ADCY2: variants seen among roughly 807,000 people sequenced by gnomAD.
ADCY2 encodes the protein adenylate cyclase 2, also known as adenylate cyclase type 2.
In ADCY2, 31 loss-of-function variants were observed where a neutral mutation model predicts 125.2. That is an observed-to-expected ratio of 0.25 (90% confidence interval 0.19 to 0.33). The LOEUF (loss-of-function observed/expected upper bound fraction) is 0.33. ADCY2 is among the 10% of genes least tolerant of loss of function. ADCY2 has a pLI of 1.00. For missense variants in ADCY2, 904 were observed against 1,418.2 expected (o/e 0.64, Z 5.82); for synonymous variants, 512 against 548.4 (o/e 0.93, Z 0.93).
At chr5:7,745,287 A>T (rs1206854371) in intron 15 of ADCY2, among the ~76,000 whole-genome samples, 1 of 152,220 alleles carries the variant, frequency 6.6e-6, no homozygotes, top group Non-Finnish European at 1.5e-5. Context: ...GCCTTTCCGC[A>T]GTCGACTGTA....
At chr5:7,667,094 TAAATAA>T (rs1739783180) in intron 4 of ADCY2, among the ~76,000 whole-genome samples, 1 of 151,988 alleles carries the variant, frequency 6.6e-6, no homozygotes, top group Non-Finnish European at 1.5e-5. Context: ...CATGCTCGGG[TAAATAA>T]AAGAGCATTC....
intron 3 of ADCY2, among the ~76,000 whole-genome samples, chr5:7,589,476 AAGAAAGAAAG>A (rs1736755158): frequency 1.6e-5 from 1 of 61,688 alleles, no homozygotes; most frequent in African/African-American, 3.8e-5. Context: ...GAAAGAAAGA[AAGAAAGAAAG>A]AAAGAAAGAA....
chr5:7,555,418 G>A (rs1010304762), intron 3 of ADCY2, among the ~76,000 whole-genome samples: 2 of 152,114 alleles, frequency 1.3e-5, no homozygotes, highest in Non-Finnish European at 2.9e-5. Flanking sequence ...ATGGATTTTT[G>A]GCAAATTGTT....
chr5:7,438,649 T>G (rs1226904147), intron 2 of ADCY2, among the ~76,000 whole-genome samples: 1 of 152,232 alleles, frequency 6.6e-6, no homozygotes, highest in African/African-American at 2.4e-5. Flanking sequence ...GCTTGCCCGC[T>G]GTATGTGACT....
At chr5:7,807,359 G>T (rs914763360) in intron 22 of ADCY2, among the ~76,000 whole-genome samples, 9 of 152,012 alleles carry the variant, frequency 5.9e-5, no homozygotes, top group African/African-American at 2.2e-4. Flanking sequence ...CCACAATCCT[G>T]CCTCACCAAT....
intron 2 of ADCY2, among the ~76,000 whole-genome samples, chr5:7,509,211 G>A (rs928432987): frequency 1.4e-4 from 21 of 152,188 alleles, no homozygotes; most frequent in African/African-American, 4.8e-4. Flanking sequence ...ATATTGTAGA[G>A]TTAAAACCAG....
intron 4 of ADCY2, among the ~76,000 whole-genome samples, chr5:7,629,236 C>T (rs546403348): frequency 9.3e-4 from 141 of 152,334 alleles, no homozygotes; most frequent in Non-Finnish European, 2.2e-4. Context: ...GGCCTCGCTT[C>T]ACAGCCCCAC....
chr5:7,706,653 T>G, intron 7 of ADCY2, 91 bp from the exon 8 acceptor site: 20 of 1,465,124 alleles, frequency 1.4e-5, no homozygotes, highest in Non-Finnish European at 1.7e-5. Flanking sequence ...GTTTGAAAAA[T>G]TCTGAATAAT....
rs1211662775 is a variant in ADCY2, at chr5:7,827,877, A to T, written c.*1006A>T. 3 of 152,412 alleles carry T rather than the reference A, an allele frequency of 2.0e-5. No individual in the cohort carries two copies. Among genetic ancestry groups the T allele is most frequent in the African/African-American group, 7.2e-5 (3 of 41,468 alleles). The allele number at this position is 152,412 out of a possible 1,614,324, so 9.4% of individuals were successfully genotyped here. On this transcript the variant is annotated 3_prime_UTR_variant, in exon 25 of 25. Transcript: ENST00000338316. ...GTCCACTACGCTCCTGTCTCCAAGA[A>T]TGTTTTGCTAGAGCTAACAGACATA...
intron 2 of ADCY2, among the ~76,000 whole-genome samples, chr5:7,513,106 C>CACACAGAG (rs777343291): frequency 1.2e-4 from 16 of 138,540 alleles, no homozygotes; most frequent in African/African-American, 2.6e-4. Flanking sequence ...CACACACACA[C>CACACAGAG]AGAGAGAGAG....
chr5:7,575,410 T>C (rs1048977360), intron 3 of ADCY2, among the ~76,000 whole-genome samples: 1 of 152,166 alleles, frequency 6.6e-6, no homozygotes, highest in African/African-American at 2.4e-5. Context: ...GAAACAGTAA[T>C]GTATGATTGC....
intron 3 of ADCY2, among the ~76,000 whole-genome samples, chr5:7,557,190 G>A (rs55920620): frequency 0.12 from 11,894 of 100,334 alleles, 754 homozygotes; most frequent in Non-Finnish European, 0.2. Flanking sequence ...TATTATATAT[G>A]TGATATATAT....
At chr5:7,651,261 C>T (rs1244296132) in intron 4 of ADCY2, among the ~76,000 whole-genome samples, 1 of 152,072 alleles carries the variant, frequency 6.6e-6, no homozygotes, top group Non-Finnish European at 1.5e-5. Flanking sequence ...TCAGGGTTCT[C>T]TAGAAGGACA....
chr5:7,475,018 A>C (rs954830737), intron 2 of ADCY2, among the ~76,000 whole-genome samples: 2 of 152,168 alleles, frequency 1.3e-5, no homozygotes, highest in Admixed American at 6.5e-5. Flanking sequence ...TGGCTTTGGC[A>C]GGAGGGTCGC....
At chr5:7,540,964 C>T (rs1268054707) in intron 3 of ADCY2, among the ~76,000 whole-genome samples, 2 of 152,196 alleles carry the variant, frequency 1.3e-5, no homozygotes, top group African/African-American at 4.8e-5. Context: ...TCAGGTTTCA[C>T]TCTCTCAGCT....
intron 18 of ADCY2, among the ~76,000 whole-genome samples, chr5:7,778,786 T>C (rs1159797684): frequency 6.6e-6 from 1 of 152,204 alleles, no homozygotes; most frequent in Non-Finnish European, 1.5e-5. Flanking sequence ...TGATTGATGA[T>C]GAACTGAAGG....
chr5:7,676,830 T>A (rs1740142562), intron 4 of ADCY2, among the ~76,000 whole-genome samples: 1 of 152,140 alleles, frequency 6.6e-6, no homozygotes, highest in Admixed American at 6.6e-5. Flanking sequence ...AGAAGAGAAA[T>A]ATATTGAATA....
intron 14 of ADCY2, among the ~76,000 whole-genome samples, chr5:7,739,394 G>A (rs1436239262): frequency 2.6e-5 from 4 of 151,850 alleles, no homozygotes; most frequent in South Asian, 2.1e-4. Context: ...GTATCAAAAT[G>A]TGTGGGATTG....
At chr5:7,803,236 C>T (rs1744654735) in intron 21 of ADCY2, among the ~76,000 whole-genome samples, 1 of 152,118 alleles carries the variant, frequency 6.6e-6, no homozygotes, top group Admixed American at 6.5e-5. Flanking sequence ...CTCAGCTGCT[C>T]CTCAGTGAAA....
Sources: gnomAD v4.1 joint callset for allele counts (sites outside exome capture counted in the v4.1 genomes callset) on GRCh38, gnomAD v4.1.1 for gene constraint, MANE v1.5 for transcripts, NCBI Gene and HGNC (gene_info 2026-07-23, HGNC 2026-07-21) for gene names.